SNX30: variants seen among roughly 807,000 people sequenced by gnomAD.
The protein encoded by SNX30 is sorting nexin-30.
SNX30 carries 24 observed loss-of-function variants against 46.4 expected under a neutral mutation model. That is an observed-to-expected ratio of 0.52 (90% CI 0.37 to 0.73). SNX30 has a LOEUF of 0.73. Ranked by LOEUF, SNX30 falls within the 30% of genes least tolerant of loss-of-function variation. SNX30 has a pLI of 0.00. For missense variants in SNX30, 533 were observed against 555.7 expected, an observed-to-expected ratio of 0.96 and a Z score of 0.41; for synonymous variants, 189 against 211.5, an observed-to-expected ratio of 0.89 and a Z score of 0.92.
chr9:112,826,897 C>T (rs1840586453), intron 3 of SNX30, among the ~76,000 whole-genome samples: 1 of 152,212 alleles, frequency 6.6e-6, no homozygotes, highest in Non-Finnish European at 1.5e-5. Context: ...CAGCATCGGG[C>T]TGAGTGGCCC....
downstream of SNX30, chr9:112,879,714 G>C (rs1261328921): frequency 6.4e-7 from 1 of 1,555,278 alleles, no homozygotes; most frequent in Non-Finnish European, 8.9e-7. Context: ...TTTGTCTTCT[G>C]GGGGCCTGGC....
At position 112,849,960 on chromosome 9, in the gene SNX30, C is replaced by T. The variant is rs527619465; in HGVS notation, c.1015-899C>T. On this transcript the variant is annotated intron_variant, in intron 6 of 8. Coordinates refer to ENST00000374232, the MANE Select transcript of SNX30 (RefSeq NM_001012994.2). ...AAGAAACTCGTTGATGAAACAGACACCTTTCTAGAAGGTCTACTGCAAGCT... is the reference window on the plus strand; with the variant it reads ...AAGAAACTCGTTGATGAAACAGACATCTTTCTAGAAGGTCTACTGCAAGCT... Among the ~76,000 whole-genome samples, 15 of 152,342 alleles carry T rather than the reference C, an allele frequency of 9.8e-5. 1 individual carries two copies. The South Asian group carries it at 2.7e-3, about 27-fold the overall frequency.
At chr9:112,830,678 G>T (rs1172545081) in intron 3 of SNX30, 47 bp from the exon 4 acceptor site, 1 of 1,571,224 alleles carries the variant, frequency 6.4e-7, no homozygotes, top group Non-Finnish European at 8.6e-7. Flanking sequence ...GTTTTTCCTT[G>T]CACCATCTCA....
chr9:112,749,918 T>A (rs996848383), upstream of SNX30, among the ~76,000 whole-genome samples: 1 of 151,998 alleles, frequency 6.6e-6, no homozygotes, highest in Non-Finnish European at 1.5e-5. Flanking sequence ...AAACAGAAGA[T>A]CTAGGGACAG....
At chr9:112,783,860 C>A (rs1055613197) in intron 1 of SNX30, among the ~76,000 whole-genome samples, 10 of 152,268 alleles carry the variant, frequency 6.6e-5, no homozygotes, top group Non-Finnish European at 1.2e-4. Context: ...AGGTGAGTGA[C>A]CTGTGAGAGG....
chr9:112,779,071 G>C (rs1839801113), intron 1 of SNX30, among the ~76,000 whole-genome samples: 1 of 152,392 alleles, frequency 6.6e-6, no homozygotes, highest in Non-Finnish European at 1.5e-5. Context: ...GGGAATTACT[G>C]ATGGTCTGAG....
At chr9:112,781,671 G>T (rs1372928361) in intron 1 of SNX30, among the ~76,000 whole-genome samples, 2 of 151,564 alleles carry the variant, frequency 1.3e-5, no homozygotes, top group African/African-American at 4.9e-5. Context: ...TTGCTCTGTT[G>T]CCCAGGCTGG....
chr9:112,877,231 A>T (rs1226469978), downstream of SNX30: 1 of 152,212 alleles, frequency 6.6e-6, no homozygotes, highest in Non-Finnish European at 1.5e-5. Flanking sequence ...TGACAGCTGG[A>T]GTTGAAAAGG....
chr9:112,839,879 A>G (rs1191519506), intron 6 of SNX30, among the ~76,000 whole-genome samples: 1 of 152,252 alleles, frequency 6.6e-6, no homozygotes, highest in Admixed American at 6.5e-5. Flanking sequence ...TCGTAGATCC[A>G]GGAAAACATT....
chr9:112,854,156 G>T (rs1465332918), intron 7 of SNX30, among the ~76,000 whole-genome samples: 1 of 152,218 alleles, frequency 6.6e-6, no homozygotes, highest in Non-Finnish European at 1.5e-5. Flanking sequence ...TGAAGGTTCG[G>T]AATAATAGGC....
intron 1 of SNX30, among the ~76,000 whole-genome samples, chr9:112,765,014 G>A (rs921220483): frequency 6.6e-6 from 1 of 152,270 alleles, no homozygotes; most frequent in Middle Eastern, 3.4e-3. Flanking sequence ...CTTGGGTCAC[G>A]TGCCTACCTT....
chr9:112,867,642 G>A (rs1841383262), intron 8 of SNX30, among the ~76,000 whole-genome samples: 1 of 132,254 alleles, frequency 7.6e-6, no homozygotes, highest in African/African-American at 2.9e-5. Flanking sequence ...AACTCCTCCC[G>A]CCTCCTCAGA....
At chr9:112,867,937 G>C (rs1225216056) in intron 8 of SNX30, among the ~76,000 whole-genome samples, 1 of 152,224 alleles carries the variant, frequency 6.6e-6, no homozygotes, top group Non-Finnish European at 1.5e-5. Flanking sequence ...ACTTTCCAAA[G>C]GGCGAATCAT....
At chr9:112,773,887 C>A (rs1458887194) in intron 1 of SNX30, among the ~76,000 whole-genome samples, 2 of 152,104 alleles carry the variant, frequency 1.3e-5, no homozygotes, top group Non-Finnish European at 2.9e-5. Context: ...ACGTCTTCTC[C>A]TTAATTTGAT....
chr9:112,798,128 T>G (rs1374553565), intron 1 of SNX30, among the ~76,000 whole-genome samples: 11 of 57,398 alleles, frequency 1.9e-4, no homozygotes, highest in Middle Eastern at 0.016. Flanking sequence ...TTTCTTTTTT[T>G]TTTTTTTTTT....
intron 7 of SNX30, among the ~76,000 whole-genome samples, chr9:112,853,019 C>T (rs538295881): frequency 2.4e-4 from 37 of 152,232 alleles, no homozygotes; most frequent in Admixed American, 2.0e-3. Context: ...ATCTGAGGCC[C>T]GGGGGAAGGC....
At chr9:112,879,797 G>C, downstream of SNX30, 1 of 1,613,076 alleles carries the variant, frequency 6.2e-7, no homozygotes, top group African/African-American at 1.3e-5. Flanking sequence ...GGTGACAATG[G>C]GACTTGTTTA....
In SNX30 at chr9:112,868,883, G is replaced by T. The variant is rs138029450; in HGVS notation, c.*40G>T. On this transcript the variant is annotated 3_prime_UTR_variant, in exon 9 of 9. Coordinates refer to ENST00000374232, the MANE Select transcript of SNX30 (RefSeq NM_001012994.2). ...ACGGAGACTCTTCTACCTACACAGGGCCTGGCACCCTATACCGGAATGTCC... is the reference window on the plus strand; with the variant it reads ...ACGGAGACTCTTCTACCTACACAGGTCCTGGCACCCTATACCGGAATGTCC... 3.8e-4 allele frequency: 606 copies of T among 1,596,882 alleles called. 5 individuals are homozygous for T. The African/African-American group carries it at 6.8e-3, about 18-fold the overall frequency.
chr9:112,879,678 A>C, downstream of SNX30: 1 of 1,310,620 alleles, frequency 7.6e-7, no homozygotes, highest in Non-Finnish European at 1.1e-6. Flanking sequence ...TGGGTTGCTT[A>C]GGTCACCAGT....
Sources: allele counts gnomAD v4.1 joint callset (sites outside exome capture counted in the v4.1 genomes callset), GRCh38; gene constraint gnomAD v4.1.1; transcripts MANE v1.5; gene names NCBI Gene and HGNC (gene_info 2026-07-23, HGNC 2026-07-21).